Variants in OSBPL8 observed in about 807,000 individuals in gnomAD.
OSBPL8 encodes the protein oxysterol binding protein like 8.
Under a neutral mutation model 125.5 loss-of-function variants are expected in OSBPL8, and 59 were observed. That is an observed-to-expected ratio of 0.47 (90% CI 0.38 to 0.58). The LOEUF is 0.58. OSBPL8 is among the 20% of genes least tolerant of loss of function. The probability of loss-of-function intolerance (pLI) is 0.00; values close to 1 mark genes in which losing one functional copy is unlikely to be tolerated. For missense variants in OSBPL8, 758 were observed against 1,047.8 expected, an observed-to-expected ratio of 0.72 and a Z score of 3.82; for synonymous variants, 330 against 338.9, an observed-to-expected ratio of 0.97 and a Z score of 0.29.
At chr12:76,454,610 T>C (rs1873794809) in intron 3 of OSBPL8, among the ~76,000 whole-genome samples, 2 of 151,814 alleles carry the variant, frequency 1.3e-5, no homozygotes, top group African/African-American at 2.4e-5. Flanking sequence ...TCCCAGCTAC[T>C]AGGGAGGCTG....
intron 18 of OSBPL8, chr12:76,371,964 C>T (rs1952635166): frequency 6.3e-6 from 1 of 158,244 alleles, no homozygotes; most frequent in Non-Finnish European, 1.4e-5. Flanking sequence ...ATTCAATATA[C>T]TCAAACATAC....
intron 2 of OSBPL8, among the ~76,000 whole-genome samples, chr12:76,470,720 A>C (rs1876035719): frequency 6.6e-6 from 1 of 152,220 alleles, no homozygotes; most frequent in Admixed American, 6.5e-5. Context: ...GCCACAGGCA[A>C]GACTGCTAAT....
intron 1 of OSBPL8, among the ~76,000 whole-genome samples, chr12:76,517,200 CAT>C (rs1386227464): frequency 2.5e-4 from 38 of 152,246 alleles, no homozygotes; most frequent in African/African-American, 7.7e-4. Context: ...GTATTGTACA[CAT>C]GTTTAAATAT....
chr12:76,358,859 T>C, intron 21 of OSBPL8, 48 bp from the exon 22 acceptor site: 1 of 1,420,554 alleles, frequency 7.0e-7, no homozygotes, highest in Non-Finnish European at 1.0e-6. Flanking sequence ...TATTTTGGAC[T>C]AAAGACCAAC....
chr12:76,359,832 T>G (rs1952131000), intron 21 of OSBPL8, among the ~76,000 whole-genome samples: 2 of 152,028 alleles, frequency 1.3e-5, no homozygotes, highest in African/African-American at 4.8e-5. Flanking sequence ...TCAAATGATC[T>G]CCCACTAAGT....
chr12:76,428,694 CAT>C (rs1237695006), intron 4 of OSBPL8, among the ~76,000 whole-genome samples: 2 of 152,056 alleles, frequency 1.3e-5, no homozygotes, highest in Non-Finnish European at 2.9e-5. Flanking sequence ...CGTCCAGACA[CAT>C]AGAGAACCAC....
At chr12:76,410,506 CCCT>C in intron 5 of OSBPL8, 55 bp downstream of exon 5, 2 of 1,249,770 alleles carry the variant, frequency 1.6e-6, no homozygotes, top group Non-Finnish European at 2.3e-6. Flanking sequence ...AGTGTTAGTT[CCCT>C]CATCTCAAAT....
At chr12:76,472,938 G>C (rs578043125) in intron 2 of OSBPL8, among the ~76,000 whole-genome samples, 1 of 152,118 alleles carries the variant, frequency 6.6e-6, no homozygotes, top group East Asian at 1.9e-4. Flanking sequence ...CCGGGGAAAG[G>C]GAGACTCCCT....
In OSBPL8 at chr12:76,489,058, G is replaced by A. The variant is rs185379344; in HGVS notation, c.-67-1440C>T. Among the ~76,000 whole-genome samples the A allele has an allele frequency of 2.0e-3, 308 of 152,238 alleles. 1 individual carries two copies. The highest frequency in any genetic ancestry group is 7.1e-3 in the African/African-American group (293 of 41,560). On this transcript the variant is annotated intron_variant, in intron 1 of 23. Transcript: ENST00000261183. ...TTGAGTGGTCTGGATAGAAGATCAG[G>A]CTAATTATATAGGCAAGGCCCTAAC...
intron 4 of OSBPL8, among the ~76,000 whole-genome samples, chr12:76,416,517 T>A (rs2136458433): frequency 6.6e-6 from 1 of 152,216 alleles, no homozygotes; most frequent in South Asian, 2.1e-4. Context: ...TAAGTACAGA[T>A]TTATCTAGTT....
At chr12:76,434,838 G>C (rs1345594818) in intron 4 of OSBPL8, among the ~76,000 whole-genome samples, 2 of 152,136 alleles carry the variant, frequency 1.3e-5, no homozygotes, top group Admixed American at 1.3e-4. Context: ...TGCCAGAATG[G>C]CCATTATCAA....
chr12:76,509,642 T>C (rs549106801), intron 1 of OSBPL8, among the ~76,000 whole-genome samples: 2 of 152,182 alleles, frequency 1.3e-5, no homozygotes, highest in African/African-American at 4.8e-5. Context: ...ATACTACCAC[T>C]ATAATAGTAA....
intron 4 of OSBPL8, among the ~76,000 whole-genome samples, chr12:76,443,983 ATAATC>A (rs1297585637): frequency 6.6e-6 from 1 of 152,218 alleles, no homozygotes; most frequent in African/African-American, 2.4e-5. Flanking sequence ...AATTTCTTGA[ATAATC>A]TAATTCACCA....
intron 4 of OSBPL8, among the ~76,000 whole-genome samples, chr12:76,415,404 G>T (rs35191784): frequency 6.6e-6 from 1 of 151,488 alleles, no homozygotes; most frequent in Non-Finnish European, 1.5e-5. Flanking sequence ...CATGCCACCA[G>T]GCCCAGCTAA....
At chr12:76,404,401 GTTGT>G (rs1269203541) in intron 5 of OSBPL8, among the ~76,000 whole-genome samples, 2 of 152,014 alleles carry the variant, frequency 1.3e-5, no homozygotes, top group Non-Finnish European at 2.9e-5. Flanking sequence ...AACATTCATG[GTTGT>G]TTACTATTTA....
At chr12:76,356,758 C>A (rs1952001888) in intron 22 of OSBPL8, 30 bp from the exon 23 acceptor site, 1 of 1,439,750 alleles carries the variant, frequency 6.9e-7, no homozygotes, top group Non-Finnish European at 9.6e-7. Context: ...GAAGTTGAAA[C>A]TATAAAAATA....
intron 3 of OSBPL8, among the ~76,000 whole-genome samples, chr12:76,453,494 A>T (rs1873663575): frequency 6.6e-6 from 1 of 152,220 alleles, no homozygotes; most frequent in Non-Finnish European, 1.5e-5. Flanking sequence ...TAAATTACTC[A>T]GTTAACAATA....
chr12:76,528,374 G>A (rs2137315198), intron 1 of OSBPL8, among the ~76,000 whole-genome samples: 1 of 150,350 alleles, frequency 6.7e-6, no homozygotes, highest in East Asian at 1.9e-4. Flanking sequence ...AACAGAAGAT[G>A]AAATCATGAT....
intron 21 of OSBPL8, among the ~76,000 whole-genome samples, chr12:76,361,699 G>A (rs916463923): frequency 6.6e-6 from 1 of 152,184 alleles, no homozygotes; most frequent in Non-Finnish European, 1.5e-5. Flanking sequence ...TTACATGGCA[G>A]CAGCAAAAGA....
Sources: allele counts gnomAD v4.1 joint callset (sites outside exome capture counted in the v4.1 genomes callset), GRCh38; gene constraint gnomAD v4.1.1; transcripts MANE v1.5; gene names NCBI Gene and HGNC (gene_info 2026-07-23, HGNC 2026-07-21).